Variants in NR4A1 observed in about 807,000 individuals in gnomAD.
NR4A1 encodes the protein nuclear receptor subfamily 4 group A member 1.
In NR4A1, 24 loss-of-function variants were observed where a neutral mutation model predicts 47.5. The observed-to-expected ratio is 0.50, with a 90% confidence interval of 0.37 to 0.71. The LOEUF (loss-of-function observed/expected upper bound fraction) is 0.71. Ranked by LOEUF, NR4A1 falls within the 30% of genes least tolerant of loss-of-function variation. The pLI is 0.00. For missense variants in NR4A1, 669 were observed against 788.6 expected (o/e 0.85, Z 1.82); for synonymous variants, 353 against 345.7 (o/e 1.02, Z -0.24).
chr12:52,042,363 G>A (rs1938472210), intron 2 of NR4A1, among the ~76,000 whole-genome samples: 1 of 152,050 alleles, frequency 6.6e-6, no homozygotes, highest in Admixed American at 6.5e-5. Context: ...AGTGCATGAA[G>A]GGAAGGCTGG....
At position 52,051,472 on chromosome 12, in the gene NR4A1, G is replaced by T; in HGVS notation, c.-99G>T. 1.0e-6 allele frequency: 1 copy of T among 985,614 alleles called. No homozygotes were observed. The highest frequency in any genetic ancestry group is 1.2e-6 in the Non-Finnish European group (1 of 830,060). The allele number at this position is 985,614 out of a possible 1,614,324, so 61.1% of individuals were successfully genotyped here. ...CAGTGGCGGAGGCTACGAAACTTGGGGGAGTGCACAGAAGAACTTCGGGAG... is the reference window on the plus strand; with the variant it reads ...CAGTGGCGGAGGCTACGAAACTTGGTGGAGTGCACAGAAGAACTTCGGGAG... On this transcript the variant is annotated 5_prime_UTR_variant, in exon 1 of 7. Transcript: ENST00000394825.
At chr12:52,040,518 C>T (rs539149584) in intron 1 of NR4A1, among the ~76,000 whole-genome samples, 6 of 152,198 alleles carry the variant, frequency 3.9e-5, no homozygotes, top group African/African-American at 9.6e-5. Context: ...GTCCATGGGC[C>T]GGGGCAGGTT....
rs1939450046 is a variant in NR4A1, at chr12:52,059,491, CAT to C, written c.*548_*549del. The stretch of plus-strand genomic sequence containing the variant: ...TTTAATATATTGAATAAAAAATAGA[CAT>C]GTAGTTGGAACTGAGATTCAGTCTG... On this transcript the variant is annotated 3_prime_UTR_variant, in exon 7 of 7. Transcript: ENST00000394825. The C allele has an allele frequency of 6.6e-6, 1 of 152,218 alleles. No individual in the cohort carries two copies. Among genetic ancestry groups the C allele is most frequent in the African/African-American group, 2.4e-5 (1 of 41,424 alleles). The allele number at this position is 152,218 out of a possible 1,614,324, so 9.4% of individuals were successfully genotyped here. A position where few individuals can be genotyped will look rare whatever the true frequency, so the allele number is the denominator to read the frequency against.
upstream of NR4A1, among the ~76,000 whole-genome samples, chr12:52,048,834 T>A (rs564555253): frequency 6.6e-6 from 1 of 151,972 alleles, no homozygotes; most frequent in Non-Finnish European, 1.5e-5. Context: ...TTTTTTTTTT[T>A]AAGCTGTGGA....
chr12:52,054,243 C>G, intron 1 of NR4A1, 84 bp from the exon 2 acceptor site: 1 of 1,228,850 alleles, frequency 8.1e-7, no homozygotes, highest in Non-Finnish European at 1.1e-6. Context: ...CCTTGCTGCT[C>G]TGGGGCCCAA....
chr12:52,040,902 C>G (rs114492725), intron 1 of NR4A1, among the ~76,000 whole-genome samples: 52 of 152,108 alleles, frequency 3.4e-4, no homozygotes, highest in African/African-American at 1.0e-3. Flanking sequence ...GGTGCGTAGT[C>G]GAGAGGAGAG....
At chr12:52,044,028 C>A in intron 2 of NR4A1, 1 of 825,056 alleles carries the variant, frequency 1.2e-6, no homozygotes, top group Non-Finnish European at 1.7e-6. Context: ...GCAAGGGTGG[C>A]CGACAACTGG....
intron 1 of NR4A1, among the ~76,000 whole-genome samples, chr12:52,032,817 A>T (rs1287615116): frequency 6.6e-6 from 1 of 152,104 alleles, no homozygotes; most frequent in Non-Finnish European, 1.5e-5. Context: ...ACAGCTCAAG[A>T]ATTAAGGGTG....
At position 52,055,293 on chromosome 12, in the gene NR4A1, C is replaced by T. The variant is rs745570453; in HGVS notation, c.876+89C>T. 5.9e-6 allele frequency: 9 copies of T among 1,526,504 alleles called. No individual in the cohort carries two copies. The South Asian group carries it at 9.3e-5, about 16-fold the overall frequency. 94.6% of individuals were successfully genotyped at this position (1,526,504 alleles called of 1,614,324 possible). ...GGGACCTGTGGTCTCCCCCTGGGTT[C>T]TCCTCCTAGCTAAGTCCTGTCCTGC... On this transcript the variant is annotated intron_variant, in intron 2 of 6. Transcript: ENST00000394825.
chr12:52,058,550 A>G (rs1318399524), intron 6 of NR4A1, 138 bp from the exon 7 acceptor site: 1 of 1,146,762 alleles, frequency 8.7e-7, no homozygotes, highest in Non-Finnish European at 1.2e-6. Flanking sequence ...CTAATGGCCA[A>G]CATGTGAATG....
chr12:52,026,638 C>T (rs1172018136), intron 1 of NR4A1, among the ~76,000 whole-genome samples: 1 of 152,206 alleles, frequency 6.6e-6, no homozygotes, highest in Admixed American at 6.5e-5. Context: ...AATCTGCCTC[C>T]TGGAATGTGC....
chr12:52,028,993 A>G (rs1456493249), intron 1 of NR4A1, among the ~76,000 whole-genome samples: 1 of 152,220 alleles, frequency 6.6e-6, no homozygotes, highest in African/African-American at 2.4e-5. Context: ...TCTCTCTAGT[A>G]TTCCCCAAAT....
At chr12:52,049,790 G>C (rs185416626), upstream of NR4A1, among the ~76,000 whole-genome samples, 1 of 152,290 alleles carries the variant, frequency 6.6e-6, no homozygotes, top group East Asian at 1.9e-4. Context: ...GCAGGCAGGG[G>C]GTGCAGAAAT....
At chr12:52,041,392 C>T (rs747392640) in intron 1 of NR4A1, among the ~76,000 whole-genome samples, 3 of 152,008 alleles carry the variant, frequency 2.0e-5, no homozygotes, top group African/African-American at 2.4e-5. Context: ...TGGGGGCCTC[C>T]GAGGCTTTAG....
intron 2 of NR4A1, chr12:52,045,532 G>T (rs1170427750): frequency 4.4e-6 from 2 of 453,066 alleles, no homozygotes; most frequent in Non-Finnish European, 8.9e-6. Flanking sequence ...ACATTTGGAT[G>T]TGGAGCCTCT....
intron 2 of NR4A1, chr12:52,045,448 C>T: frequency 2.3e-6 from 1 of 438,260 alleles, no homozygotes; most frequent in Non-Finnish European, 4.6e-6. Flanking sequence ...TACTGCCTGC[C>T]TCCCGACTTC....
At chr12:52,045,761 C>T (rs546614608) in intron 2 of NR4A1, among the ~76,000 whole-genome samples, 2 of 152,338 alleles carry the variant, frequency 1.3e-5, no homozygotes, top group East Asian at 1.9e-4. Flanking sequence ...GCCTGGGTCC[C>T]TGGGAGGCTG....
chr12:52,029,031 C>T lies in NR4A1; in HGVS notation c.-84+6092C>T, dbSNP rs763577121. Among the ~76,000 whole-genome samples, 7 of 152,238 alleles carry T rather than the reference C, an allele frequency of 4.6e-5. 1 individual carries two copies. Among genetic ancestry groups the T allele is most frequent in the Non-Finnish European group, 8.8e-5 (6 of 68,038 alleles). On this transcript the variant is annotated intron_variant, in intron 1 of 7. Transcript: ENST00000360284. Reference sequence around the variant, plus strand: ...TTTAGTGGAATAGGCATAATAGGCACTCCCAGGGAGCTAGGACCTGTTTAC... The same window carrying T: ...TTTAGTGGAATAGGCATAATAGGCATTCCCAGGGAGCTAGGACCTGTTTAC...
intron 2 of NR4A1, among the ~76,000 whole-genome samples, chr12:52,045,748 C>T (rs1325752434): frequency 6.6e-6 from 1 of 152,240 alleles, no homozygotes; most frequent in Non-Finnish European, 1.5e-5. Context: ...CACTAGCTGA[C>T]CTGCCTGGGT....
Sources: gnomAD v4.1 joint callset for allele counts (sites outside exome capture counted in the v4.1 genomes callset) on GRCh38, gnomAD v4.1.1 for gene constraint, MANE v1.5 for transcripts, NCBI Gene and HGNC (gene_info 2026-07-23, HGNC 2026-07-21) for gene names.